The following PCDHGB3 variants were observed in gnomAD, a reference collection of about 807,000 sequenced individuals.
The protein encoded by PCDHGB3 is protocadherin gamma subfamily B, 3.
Under a neutral mutation model 59.2 loss-of-function variants are expected in PCDHGB3, and 40 were observed. The ratio of observed to expected loss-of-function variants is 0.68; its 90% CI spans 0.52 to 0.88. PCDHGB3 has a LOEUF of 0.88. Among genes scored for constraint, PCDHGB3 ranks in the 40% least tolerant of loss-of-function variants. The pLI is 0.00. For synonymous variants in PCDHGB3, 581 were observed against 503.6 expected, an observed-to-expected ratio of 1.15 and a Z score of -2.06; for missense variants, 1,309 against 1,187.9, an observed-to-expected ratio of 1.10 and a Z score of -1.50.
intron 1 of PCDHGB3, chr5:141,409,991 G>A: frequency 6.2e-6 from 10 of 1,613,320 alleles, no homozygotes; most frequent in Non-Finnish European, 7.6e-6. Flanking sequence ...GGTGGACGCC[G>A]ACTCGGGACA....
chr5:141,455,364 G>C (rs2098820282), intron 1 of PCDHGB3, among the ~76,000 whole-genome samples: 1 of 152,252 alleles, frequency 6.6e-6, no homozygotes, highest in South Asian at 2.1e-4. Flanking sequence ...TAGGCAAGAA[G>C]GAAGGGAGAA....
Position 141,433,012 on chromosome 5 carries a change from G to C in PCDHGB3, c.2415+60203G>C. 1 of 1,614,172 alleles carries C rather than the reference G, an allele frequency of 6.2e-7. No homozygotes were observed. Among genetic ancestry groups the C allele is most frequent in the South Asian group, 1.1e-5 (1 of 91,080 alleles). The stretch of plus-strand genomic sequence containing the variant: ...TGGACGGGGTGCAGGCTTTCCTGCA[G>C]ACCTATTCCCACGAGGTTTCCCTCA... On this transcript the variant is annotated intron_variant, in intron 1 of 3. Coordinates refer to ENST00000576222, the MANE Select transcript of PCDHGB3 (RefSeq NM_018924.5).
At chr5:141,373,523 C>T (rs2150024723) in intron 1 of PCDHGB3, among the ~76,000 whole-genome samples, 1 of 152,052 alleles carries the variant, frequency 6.6e-6, no homozygotes, top group African/African-American at 2.4e-5. Flanking sequence ...ACTTTGTCTC[C>T]AAAAAAGTGT....
intron 1 of PCDHGB3, chr5:141,415,477 C>A (rs2095874299): frequency 1.9e-6 from 3 of 1,614,184 alleles, no homozygotes; most frequent in Non-Finnish European, 2.5e-6. Flanking sequence ...CGCGGACTCG[C>A]GAAAGAGTCA....
intron 3 of PCDHGB3, among the ~76,000 whole-genome samples, chr5:141,505,973 G>A (rs1207489923): frequency 6.6e-6 from 1 of 152,166 alleles, no homozygotes; most frequent in Non-Finnish European, 1.5e-5. Context: ...ATCCCCAGCC[G>A]AGAGAACACC....
chr5:141,415,651 A>C, intron 1 of PCDHGB3: 1 of 1,595,106 alleles, frequency 6.3e-7, no homozygotes. Context: ...TAAAAAAAAA[A>C]AGATTGGTTT....
chr5:141,388,778 A>G, intron 1 of PCDHGB3: 1 of 1,613,944 alleles, frequency 6.2e-7, no homozygotes, highest in Non-Finnish European at 8.5e-7. Flanking sequence ...ACACCGGGGA[A>G]ATTACTGTTT....
chr5:141,441,973 C>A lies in PCDHGB3; in HGVS notation c.2416-52834C>A, dbSNP rs1457832429. The A allele has an allele frequency of 3.7e-5, 11 of 296,542 alleles. No individual in the cohort carries two copies. In the Admixed American group the frequency reaches 4.9e-4, roughly 13 times the overall value. 18.4% of individuals were successfully genotyped at this position (296,542 alleles called of 1,614,324 possible). A position where few individuals can be genotyped will look rare whatever the true frequency, so the allele number is the denominator to read the frequency against. ...GGCCAGCAAGCCCAGGCTCTTCAGC[C>A]TGGAATGCGCACCGACGAGGTGCTG... On this transcript the variant is annotated intron_variant, in intron 1 of 3. Coordinates refer to ENST00000576222, the MANE Select transcript of PCDHGB3 (RefSeq NM_018924.5).
intron 1 of PCDHGB3, chr5:141,478,265 G>A: frequency 6.2e-7 from 1 of 1,614,196 alleles, no homozygotes; most frequent in African/African-American, 1.3e-5. Context: ...CATATTCAAA[G>A]TTTACAAGTG....
At chr5:141,377,605 C>T (rs572021306) in intron 1 of PCDHGB3, 1 of 140,680 alleles carries the variant, frequency 7.1e-6, no homozygotes, top group Admixed American at 7.1e-5. Context: ...CTCTCTCTCT[C>T]AAAAAAAAAA....
intron 1 of PCDHGB3, chr5:141,409,624 G>A (rs747166507): frequency 2.5e-6 from 4 of 1,613,846 alleles, no homozygotes; most frequent in Non-Finnish European, 3.4e-6. Flanking sequence ...TTGCGCAAGT[G>A]AGCGCCTCTG....
chr5:141,390,851 G>T (rs2092239783), intron 1 of PCDHGB3: 1 of 157,664 alleles, frequency 6.3e-6, no homozygotes. Context: ...ATTATATGCA[G>T]TGTACGCTGT....
chr5:141,508,737 C>A (rs919094477), intron 3 of PCDHGB3, among the ~76,000 whole-genome samples: 8 of 152,010 alleles, frequency 5.3e-5, no homozygotes, highest in Non-Finnish European at 1.2e-4. Flanking sequence ...CTACACCCCC[C>A]ACCCCGCTCT....
At position 141,409,990 on chromosome 5, in the gene PCDHGB3, C is replaced by G. The variant is rs377295503; in HGVS notation, c.2415+37181C>G. On this transcript the variant is annotated intron_variant, in intron 1 of 3. Transcript: ENST00000576222. The stretch of plus-strand genomic sequence containing the variant: ...TGACTAAGGTGGTAGCGGTGGACGC[C>G]GACTCGGGACACAACGCCTGGCTGT... 2.7e-5 allele frequency: 44 copies of G among 1,613,278 alleles called. No homozygotes were observed. The African/African-American group carries it at 5.3e-4, about 20-fold the overall frequency.
chr5:141,384,673 G>A (rs1029531424), intron 1 of PCDHGB3: 2 of 1,614,108 alleles, frequency 1.2e-6, no homozygotes, highest in South Asian at 1.1e-5. Context: ...GACCAAGGTG[G>A]TGGCGGTGGA....
At chr5:141,436,256 C>T (rs953463822) in intron 1 of PCDHGB3, among the ~76,000 whole-genome samples, 1 of 152,100 alleles carries the variant, frequency 6.6e-6, no homozygotes, top group South Asian at 2.1e-4. Context: ...TTATTCTGAC[C>T]TCTGCTCACC....
chr5:141,390,185 T>C, intron 1 of PCDHGB3: 1 of 1,614,042 alleles, frequency 6.2e-7, no homozygotes, highest in Non-Finnish European at 8.5e-7. Context: ...TCCTAAAATG[T>C]AGTGAGCAGT....
chr5:141,433,850 A>C (rs899643386), intron 1 of PCDHGB3, among the ~76,000 whole-genome samples: 2 of 151,896 alleles, frequency 1.3e-5, no homozygotes, highest in East Asian at 3.9e-4. Flanking sequence ...AAAAAAAAAA[A>C]AAAAACTTTA....
At chr5:141,482,862 A>G (rs1169526338) in intron 1 of PCDHGB3, among the ~76,000 whole-genome samples, 1 of 152,180 alleles carries the variant, frequency 6.6e-6, no homozygotes, top group Non-Finnish European at 1.5e-5. Context: ...ACTTGAGGTC[A>G]GGAGTTTGAA....
Sources: gnomAD v4.1 joint callset for allele counts (sites outside exome capture counted in the v4.1 genomes callset) on GRCh38, gnomAD v4.1.1 for gene constraint, MANE v1.5 for transcripts, NCBI Gene and HGNC (gene_info 2026-07-23, HGNC 2026-07-21) for gene names.